The following BRD10 variants were observed in gnomAD, a reference collection of about 807,000 sequenced individuals.
BRD10 encodes bromodomain containing 10.
the BRD10 span, chr9:5,953,921 C>G: frequency 1.4e-6 from 1 of 726,752 alleles, no homozygotes; most frequent in Non-Finnish European, 2.4e-6. Context: ...AGTAAGTGTG[C>G]TACAGTTTCT....
the BRD10 span, among the ~76,000 whole-genome samples, chr9:5,963,798 A>C: frequency 6.6e-6 from 1 of 152,218 alleles, no homozygotes; most frequent in East Asian, 1.9e-4. Context: ...AAAACAAGCA[A>C]TGGGGAAAGG....
chr9:5,952,809 G>A, the BRD10 span, among the ~76,000 whole-genome samples: 1 of 152,164 alleles, frequency 6.6e-6, no homozygotes, highest in African/African-American at 2.4e-5. Context: ...GCGTGATGAT[G>A]TAATACTAAA....
the BRD10 span, among the ~76,000 whole-genome samples, chr9:6,008,429 C>T: frequency 1.3e-5 from 2 of 151,924 alleles, no homozygotes; most frequent in Admixed American, 1.3e-4. Context: ...CTGGGAAGAG[C>T]TGTGGAGAGA....
the BRD10 span, among the ~76,000 whole-genome samples, chr9:5,989,346 A>G: frequency 6.8e-6 from 1 of 146,610 alleles, no homozygotes; most frequent in Non-Finnish European, 1.5e-5. Context: ...AGGTGGGAGG[A>G]CCGATGCTTG....
the BRD10 span, among the ~76,000 whole-genome samples, chr9:5,965,171 G>C: frequency 6.6e-6 from 1 of 151,050 alleles, no homozygotes; most frequent in African/African-American, 2.4e-5. Context: ...AAACAGACCA[G>C]ATTAACCACA....
At chr9:5,916,572 T>TAAAACATATATA in the BRD10 span, among the ~76,000 whole-genome samples, 34,511 of 149,912 alleles carry the variant, frequency 0.23, 4,168 homozygotes, top group South Asian at 0.35. Flanking sequence ...AAAACATATA[T>TAAAACATATATA]AAAACATATA....
the BRD10 span, chr9:6,007,211 A>T: frequency 6.2e-7 from 1 of 1,612,930 alleles, no homozygotes; most frequent in Non-Finnish European, 8.5e-7. Context: ...AGAAGCGCTA[A>T]CTTCTGCTCC....
the BRD10 span, among the ~76,000 whole-genome samples, chr9:5,947,765 C>T: frequency 6.6e-6 from 1 of 152,100 alleles, no homozygotes; most frequent in East Asian, 1.9e-4. Flanking sequence ...GTGGCCATTA[C>T]ATTCAACTCA....
At chr9:5,980,014 C>CAA in the BRD10 span, among the ~76,000 whole-genome samples, 3 of 99,978 alleles carry the variant, frequency 3.0e-5, no homozygotes, top group Admixed American at 1.1e-4. Context: ...GACTCCATCT[C>CAA]AAAAAAAAAA....
the BRD10 span, among the ~76,000 whole-genome samples, chr9:5,987,227 T>TA: frequency 6.6e-6 from 1 of 152,244 alleles, no homozygotes; most frequent in African/African-American, 2.4e-5. Context: ...CTTTTTGACT[T>TA]ATCTTTGTCT....
the BRD10 span, among the ~76,000 whole-genome samples, chr9:6,003,475 G>A: frequency 8.2e-3 from 1,249 of 152,160 alleles, 18 homozygotes; most frequent in African/African-American, 0.028. Context: ...TCTCACAGTT[G>A]CCTCAAATGG....
At chr9:5,891,562 C>A in the BRD10 span, among the ~76,000 whole-genome samples, 1 of 152,108 alleles carries the variant, frequency 6.6e-6, no homozygotes, top group South Asian at 2.1e-4. Context: ...GGGGATCACA[C>A]CTTTGAAATT....
At chr9:6,005,618 T>C in the BRD10 span, among the ~76,000 whole-genome samples, 2 of 152,254 alleles carry the variant, frequency 1.3e-5, no homozygotes, top group Non-Finnish European at 2.9e-5. Context: ...TGCCTCATTC[T>C]AAATCATTAT....
chr9:5,905,759 T>C, the BRD10 span, among the ~76,000 whole-genome samples: 1 of 152,228 alleles, frequency 6.6e-6, no homozygotes, highest in South Asian at 2.1e-4. Flanking sequence ...CGTGTATTGA[T>C]TTATGATTTT....
the BRD10 span, among the ~76,000 whole-genome samples, chr9:5,946,689 T>A: frequency 3.3e-5 from 5 of 152,240 alleles, no homozygotes; most frequent in Non-Finnish European, 7.4e-5. Flanking sequence ...AAATCATAGA[T>A]TTCTTATTTG....
chr9:5,924,089 C>T, the BRD10 span, among the ~76,000 whole-genome samples: 2 of 152,114 alleles, frequency 1.3e-5, no homozygotes, highest in Non-Finnish European at 2.9e-5. Context: ...ATATTAAGAA[C>T]TTGTCAAATT....
chr9:5,897,456 G>C, the BRD10 span: 1 of 1,058,828 alleles, frequency 9.4e-7, no homozygotes, highest in Non-Finnish European at 1.5e-6. Flanking sequence ...TGCTGCTCTG[G>C]GTCGTCAAAG....
chr9:5,923,365 TA>T, the BRD10 span: 1 of 1,263,196 alleles, frequency 7.9e-7, no homozygotes, highest in Non-Finnish European at 1.1e-6. Context: ...TAAATAGTAA[TA>T]ACATCAACTG....
At chr9:5,925,942 T>C in the BRD10 span, among the ~76,000 whole-genome samples, 1 of 152,040 alleles carries the variant, frequency 6.6e-6, no homozygotes, top group Non-Finnish European at 1.5e-5. Context: ...CTTTCCTCCT[T>C]CGTCTTGCTC....
Sources: gnomAD v4.1 joint callset for allele counts (sites outside exome capture counted in the v4.1 genomes callset) on GRCh38, gnomAD v4.1.1 for gene constraint, MANE v1.5 for transcripts, NCBI Gene and HGNC (gene_info 2026-07-23, HGNC 2026-07-21) for gene names.